The following ARK2N variants were observed in gnomAD, a reference collection of about 807,000 sequenced individuals.
The protein encoded by ARK2N is protein ARK2N.
the ARK2N span, among the ~76,000 whole-genome samples, chr18:46,256,426 A>AT: frequency 6.6e-6 from 1 of 151,426 alleles, no homozygotes; most frequent in Non-Finnish European, 1.5e-5. Context: ...TTTAAAAAAA[A>AT]ATATTTTTGT....
At chr18:46,175,118 C>A in the ARK2N span, among the ~76,000 whole-genome samples, 2 of 151,110 alleles carry the variant, frequency 1.3e-5, no homozygotes, top group Non-Finnish European at 2.9e-5. Flanking sequence ...GTCCACCCCC[C>A]CGCCCCGACC....
At chr18:46,248,797 A>G in the ARK2N span, among the ~76,000 whole-genome samples, 1 of 152,056 alleles carries the variant, frequency 6.6e-6, no homozygotes, top group Admixed American at 6.5e-5. Context: ...GTTGGCTAGG[A>G]TGGTCTCCAT....
chr18:46,194,525 T>A, the ARK2N span, among the ~76,000 whole-genome samples: 2 of 151,266 alleles, frequency 1.3e-5, no homozygotes, highest in African/African-American at 2.4e-5. Context: ...CAGGCTGGAG[T>A]GCAATGGCAT....
chr18:46,253,427 TC>T, the ARK2N span, among the ~76,000 whole-genome samples: 3 of 152,230 alleles, frequency 2.0e-5, no homozygotes, highest in African/African-American at 7.2e-5. Flanking sequence ...AATTTTTTTA[TC>T]CTAAGGAGTA....
At chr18:46,230,417 G>A in the ARK2N span, among the ~76,000 whole-genome samples, 1 of 152,012 alleles carries the variant, frequency 6.6e-6, no homozygotes, top group Admixed American at 6.6e-5. Context: ...CCCTCCCTTC[G>A]TTTCCTCTGA....
the ARK2N span, among the ~76,000 whole-genome samples, chr18:46,212,530 T>G: frequency 6.6e-6 from 1 of 152,208 alleles, no homozygotes. Flanking sequence ...TCTCATTTTT[T>G]TAATGGCCAC....
the ARK2N span, among the ~76,000 whole-genome samples, chr18:46,180,434 C>T: frequency 6.6e-6 from 1 of 152,186 alleles, no homozygotes; most frequent in Non-Finnish European, 1.5e-5. Flanking sequence ...GGGCAGGGCA[C>T]GGTGGCTCAC....
the ARK2N span, among the ~76,000 whole-genome samples, chr18:46,193,912 T>C: frequency 6.6e-6 from 1 of 152,096 alleles, no homozygotes; most frequent in Non-Finnish European, 1.5e-5. Flanking sequence ...AACCTTATAT[T>C]GTAGTGGATA....
the ARK2N span, among the ~76,000 whole-genome samples, chr18:46,201,776 TTTC>T: frequency 1.4e-5 from 2 of 141,678 alleles, no homozygotes; most frequent in African/African-American, 5.3e-5. Flanking sequence ...TTTCTTTTCT[TTTC>T]TTTTTTTTTT....
the ARK2N span, among the ~76,000 whole-genome samples, chr18:46,246,318 G>A: frequency 6.6e-6 from 1 of 152,174 alleles, no homozygotes; most frequent in South Asian, 2.1e-4. Flanking sequence ...AGCTCCCAAA[G>A]GAATGTGTGG....
chr18:46,174,913 G>A, the ARK2N span, among the ~76,000 whole-genome samples: 1 of 152,180 alleles, frequency 6.6e-6, no homozygotes, highest in Non-Finnish European at 1.5e-5. Context: ...GCTTGGCGCC[G>A]CCTGCCTCTC....
chr18:46,179,913 C>G, the ARK2N span, among the ~76,000 whole-genome samples: 1,618 of 152,328 alleles, frequency 0.011, 29 homozygotes, highest in African/African-American at 0.036. Context: ...GTGTGAGCCA[C>G]TGCGCCCGGC....
the ARK2N span, among the ~76,000 whole-genome samples, chr18:46,211,616 C>G: frequency 1.3e-5 from 2 of 151,938 alleles, no homozygotes; most frequent in African/African-American, 4.8e-5. Flanking sequence ...AATGAATGGT[C>G]CAGTTGGGTG....
At chr18:46,239,186 T>A in the ARK2N span, among the ~76,000 whole-genome samples, 683 of 152,312 alleles carry the variant, frequency 4.5e-3, 6 homozygotes, top group African/African-American at 0.016. Flanking sequence ...GCAGTGTAAT[T>A]AATTTACTTT....
At chr18:46,185,702 TAA>T in the ARK2N span, among the ~76,000 whole-genome samples, 1 of 152,284 alleles carries the variant, frequency 6.6e-6, no homozygotes, top group Non-Finnish European at 1.5e-5. Context: ...AAAAACCAGG[TAA>T]GGCCGGGCGT....
At chr18:46,214,457 G>GA in the ARK2N span, among the ~76,000 whole-genome samples, 1 of 152,164 alleles carries the variant, frequency 6.6e-6, no homozygotes, top group Non-Finnish European at 1.5e-5. Context: ...ACTTTAAATG[G>GA]AACAAGATAC....
At chr18:46,186,096 A>G in the ARK2N span, among the ~76,000 whole-genome samples, 1 of 152,196 alleles carries the variant, frequency 6.6e-6, no homozygotes, top group African/African-American at 2.4e-5. Context: ...AGAATAGGCA[A>G]ACTTTCACAA....
At chr18:46,230,787 A>G in the ARK2N span, among the ~76,000 whole-genome samples, 1 of 152,248 alleles carries the variant, frequency 6.6e-6, no homozygotes, top group Non-Finnish European at 1.5e-5. Flanking sequence ...GAAACAAATT[A>G]TAGTTTTAAC....
At chr18:46,237,733 T>C in the ARK2N span, among the ~76,000 whole-genome samples, 1 of 152,148 alleles carries the variant, frequency 6.6e-6, no homozygotes, top group South Asian at 2.1e-4. Flanking sequence ...TTCCTAATGA[T>C]AGTGTAAAAT....
Sources: allele counts gnomAD v4.1 joint callset (sites outside exome capture counted in the v4.1 genomes callset), GRCh38; gene constraint gnomAD v4.1.1; transcripts MANE v1.5; gene names NCBI Gene and HGNC (gene_info 2026-07-23, HGNC 2026-07-21).